The following DYRK1A variants were observed in gnomAD, a reference collection of about 807,000 sequenced individuals.
DYRK1A encodes dual specificity tyrosine-phosphorylation-regulated kinase 1A.
DYRK1A carries 9 observed loss-of-function variants against 79.7 expected under a neutral mutation model. That is an observed-to-expected ratio of 0.11 (90% CI 0.07 to 0.20). The LOEUF is 0.20. Ranked by LOEUF, DYRK1A falls within the 10% of genes least tolerant of loss-of-function variation. The pLI, the probability that DYRK1A is intolerant of heterozygous loss-of-function variation, is 1.00. For missense variants in DYRK1A, 622 were observed against 956.0 expected (o/e 0.65, Z 4.61); for synonymous variants, 349 against 329.7 (o/e 1.06, Z -0.63).
chr21:37,481,548 A>G (rs1478609371), intron 5 of DYRK1A: 1 of 151,966 alleles, frequency 6.6e-6, no homozygotes, highest in Admixed American at 6.6e-5. Flanking sequence ...TGTGCCTGTA[A>G]CCACACCTGG....
At chr21:37,464,261 T>G (rs550501389) in intron 2 of DYRK1A, 1 of 478,970 alleles carries the variant, frequency 2.1e-6, no homozygotes, top group Non-Finnish European at 4.1e-6. Context: ...GAAATATTTC[T>G]CTGTAGAATC....
chr21:37,391,975 T>C (rs537483466), intron 1 of DYRK1A, among the ~76,000 whole-genome samples: 11 of 152,400 alleles, frequency 7.2e-5, no homozygotes, highest in Non-Finnish European at 1.2e-4. Context: ...TTGCCTGTTA[T>C]CATTTTCCAA....
At chr21:37,414,245 G>A (rs906941698) in intron 1 of DYRK1A, among the ~76,000 whole-genome samples, 1 of 151,728 alleles carries the variant, frequency 6.6e-6, no homozygotes, top group Non-Finnish European at 1.5e-5. Flanking sequence ...TTTTTTCTCT[G>A]TTTTTCCTCC....
intron 1 of DYRK1A, among the ~76,000 whole-genome samples, chr21:37,372,283 AC>A (rs745544320): frequency 2.5e-4 from 25 of 100,350 alleles, no homozygotes; most frequent in Middle Eastern, 5.3e-3. Context: ...GTCTCAAAAA[AC>A]AAAACAAAAC....
chr21:37,506,535 A>G (rs1438232713), intron 11 of DYRK1A, among the ~76,000 whole-genome samples: 1 of 152,188 alleles, frequency 6.6e-6, no homozygotes, highest in Non-Finnish European at 1.5e-5. Context: ...TTACAGTGGA[A>G]ACTGAGACTT....
At chr21:37,424,313 A>C (rs993414483) in intron 2 of DYRK1A, among the ~76,000 whole-genome samples, 1 of 152,112 alleles carries the variant, frequency 6.6e-6, no homozygotes, top group Non-Finnish European at 1.5e-5. Context: ...TTGCTTTTGC[A>C]CTCATGTTTT....
intron 2 of DYRK1A, among the ~76,000 whole-genome samples, chr21:37,421,407 GA>G (rs2050472003): frequency 6.6e-6 from 1 of 151,978 alleles, no homozygotes; most frequent in South Asian, 2.1e-4. Context: ...TTTGTATGAA[GA>G]AATGTGCTTG....
At chr21:37,407,062 G>A (rs962419905) in intron 1 of DYRK1A, among the ~76,000 whole-genome samples, 6 of 150,904 alleles carry the variant, frequency 4.0e-5, no homozygotes, top group East Asian at 1.9e-4. Flanking sequence ...TTTCCTTTGC[G>A]TCTTCATTTA....
Position 37,518,000 on chromosome 21 carries a change from C to T in DYRK1A, c.*5469C>T, listed in dbSNP as rs929550184. ...CCTTAAACAACTGGGCTAGGTGATCCTCCCATCTCAGCCTCCCAAGTAGCT... is the reference window on the plus strand; with the variant it reads ...CCTTAAACAACTGGGCTAGGTGATCTTCCCATCTCAGCCTCCCAAGTAGCT... On this transcript the variant is annotated 3_prime_UTR_variant, in exon 12 of 12. Coordinates refer to ENST00000647188, the MANE Select transcript of DYRK1A (RefSeq NM_001347721.2). The T allele has an allele frequency of 6.6e-6, 1 of 152,126 alleles. No individual in the cohort carries two copies. The highest frequency in any genetic ancestry group is 1.5e-5 in the Non-Finnish European group (1 of 68,066). The allele number at this position is 152,126 out of a possible 1,614,324, so 9.4% of individuals were successfully genotyped here.
chr21:37,381,869 A>G (rs1400375677), intron 1 of DYRK1A, among the ~76,000 whole-genome samples: 2 of 152,186 alleles, frequency 1.3e-5, no homozygotes, highest in Non-Finnish European at 2.9e-5. Context: ...GTTCATTTGG[A>G]TTCTTTTTGG....
chr21:37,484,171 C>G (rs908149776), intron 5 of DYRK1A, among the ~76,000 whole-genome samples: 3 of 152,076 alleles, frequency 2.0e-5, no homozygotes, highest in African/African-American at 7.2e-5. Flanking sequence ...AAATCTAATG[C>G]CTAATGATGT....
chr21:37,369,957 G>A (rs920185422), intron 1 of DYRK1A, among the ~76,000 whole-genome samples: 1 of 152,158 alleles, frequency 6.6e-6, no homozygotes, highest in Non-Finnish European at 1.5e-5. Flanking sequence ...CCATATTAGT[G>A]TAATGTCTTG....
intron 9 of DYRK1A, 40 bp from the exon 10 acceptor site, chr21:37,505,243 C>T (rs2053559131): frequency 2.6e-6 from 4 of 1,509,910 alleles, no homozygotes; most frequent in South Asian, 2.5e-5. Flanking sequence ...TTACGTATTC[C>T]ACCAAATTTA....
chr21:37,452,134 T>G (rs1906177250), intron 2 of DYRK1A, among the ~76,000 whole-genome samples: 1 of 151,610 alleles, frequency 6.6e-6, no homozygotes. Flanking sequence ...GAAGTATTGA[T>G]TTTGAGCTTT....
chr21:37,438,262 C>T (rs1343745342), intron 2 of DYRK1A, among the ~76,000 whole-genome samples: 2 of 152,066 alleles, frequency 1.3e-5, no homozygotes. Context: ...TAGTCCATGG[C>T]TTGTCTTTTT....
At chr21:37,476,734 A>G (rs956066074) in intron 3 of DYRK1A, among the ~76,000 whole-genome samples, 1 of 148,392 alleles carries the variant, frequency 6.7e-6, no homozygotes, top group Non-Finnish European at 1.5e-5. Flanking sequence ...TAGAAAAGTA[A>G]GACTGTCTAT....
At chr21:37,374,822 G>A (rs987073727) in intron 1 of DYRK1A, among the ~76,000 whole-genome samples, 1 of 152,102 alleles carries the variant, frequency 6.6e-6, no homozygotes, top group Non-Finnish European at 1.5e-5. Context: ...CAAAGTGCTG[G>A]GATTACAGGC....
At chr21:37,381,115 GC>G (rs1329687916) in intron 1 of DYRK1A, among the ~76,000 whole-genome samples, 5 of 152,138 alleles carry the variant, frequency 3.3e-5, no homozygotes, top group Admixed American at 3.3e-4. Context: ...TTGGCAGGGT[GC>G]TTGGCACATA....
chr21:37,440,128 T>TC, intron 2 of DYRK1A, among the ~76,000 whole-genome samples: 1 of 122,088 alleles, frequency 8.2e-6, no homozygotes, highest in Non-Finnish European at 1.7e-5. Flanking sequence ...TTTTGTTTGC[T>TC]CCTTTTTTTT....
Sources: gnomAD v4.1 joint callset for allele counts (sites outside exome capture counted in the v4.1 genomes callset) on GRCh38, gnomAD v4.1.1 for gene constraint, MANE v1.5 for transcripts, NCBI Gene and HGNC (gene_info 2026-07-23, HGNC 2026-07-21) for gene names.